WWP1: variants seen among roughly 807,000 people sequenced by gnomAD.
The protein encoded by WWP1 is WW domain containing E3 ubiquitin protein ligase 1, also known as NEDD4-like E3 ubiquitin-protein ligase WWP1.
Under a neutral mutation model 130.6 loss-of-function variants are expected in WWP1, and 49 were observed. The observed-to-expected ratio is 0.38, with a 90% CI of 0.30 to 0.48. The LOEUF (loss-of-function observed/expected upper bound fraction) is 0.48, where lower values mean the gene tolerates loss of function less well. WWP1 is among the 20% of genes least tolerant of loss of function. The pLI is 0.99. For synonymous variants in WWP1, 332 were observed against 367.8 expected (o/e 0.90, Z 1.11); for missense variants, 809 against 1,100.6 (o/e 0.74, Z 3.75).
At chr8:86,371,662 A>G (rs892174253) in intron 2 of WWP1, among the ~76,000 whole-genome samples, 3 of 152,124 alleles carry the variant, frequency 2.0e-5, no homozygotes, top group South Asian at 2.1e-4. Context: ...CCTTTTGCCT[A>G]TTTGCCTAAT....
chr8:86,396,515 C>T lies in WWP1; in HGVS notation c.335-1827C>T, dbSNP rs1375661018. On this transcript the variant is annotated intron_variant, in intron 5 of 24. Coordinates refer to ENST00000517970, the MANE Select transcript of WWP1 (RefSeq NM_007013.4). ...AGTAGAAATGAGGTCTATGGTGCTA[C>T]AAATGGTTGGGGTATTCTATAAGGT... 4.7e-5 allele frequency among the ~76,000 whole-genome samples: 7 copies of T among 148,786 alleles called. No individual in the cohort carries two copies. In the South Asian group the frequency reaches 1.5e-3, roughly 31 times the overall value.
chr8:86,351,833 A>G (rs957706876), intron 1 of WWP1, among the ~76,000 whole-genome samples: 8 of 152,150 alleles, frequency 5.3e-5, no homozygotes, highest in African/African-American at 1.7e-4. Context: ...TGGGATGCTT[A>G]TTAAACATGT....
At chr8:86,450,596 T>G (rs1214977808) in intron 20 of WWP1, among the ~76,000 whole-genome samples, 1 of 152,240 alleles carries the variant, frequency 6.6e-6, no homozygotes, top group Non-Finnish European at 1.5e-5. Flanking sequence ...TAAGCACTGT[T>G]TCAAACATTT....
intron 2 of WWP1, among the ~76,000 whole-genome samples, chr8:86,371,856 T>A (rs1824313297): frequency 6.6e-6 from 1 of 151,980 alleles, no homozygotes; most frequent in Non-Finnish European, 1.5e-5. Flanking sequence ...TTTTTTCTTT[T>A]TTTGAATCAG....
At chr8:86,453,003 T>C (rs1396194717) in intron 21 of WWP1, among the ~76,000 whole-genome samples, 1 of 152,172 alleles carries the variant, frequency 6.6e-6, no homozygotes, top group Admixed American at 6.5e-5. Context: ...TTTTAAGTCA[T>C]GAGTTCTTAG....
intron 8 of WWP1, among the ~76,000 whole-genome samples, chr8:86,406,280 A>G (rs1808275812): frequency 6.6e-6 from 1 of 152,198 alleles, no homozygotes; most frequent in Non-Finnish European, 1.5e-5. Flanking sequence ...AACATTCATA[A>G]TAGTCCTTGG....
chr8:86,373,509 G>A (rs1399432995), intron 2 of WWP1, among the ~76,000 whole-genome samples: 2 of 151,982 alleles, frequency 1.3e-5, no homozygotes, highest in African/African-American at 4.8e-5. Flanking sequence ...ATTTTATTTT[G>A]TCTTGTCTGG....
intron 9 of WWP1, among the ~76,000 whole-genome samples, chr8:86,424,854 G>GGAGGT (rs1413028973): frequency 8.1e-6 from 1 of 123,314 alleles, no homozygotes; most frequent in Non-Finnish European, 1.7e-5. Context: ...GGAGGGGAGG[G>GGAGGT]GGAGGGGGAG....
At chr8:86,454,721 T>A (rs1811348341) in intron 21 of WWP1, among the ~76,000 whole-genome samples, 1 of 151,864 alleles carries the variant, frequency 6.6e-6, no homozygotes, top group Non-Finnish European at 1.5e-5. Context: ...AAACGGGAGA[T>A]CAAGAAGCAT....
At chr8:86,396,851 C>T (rs1157698599) in intron 5 of WWP1, among the ~76,000 whole-genome samples, 1 of 152,004 alleles carries the variant, frequency 6.6e-6, no homozygotes, top group Non-Finnish European at 1.5e-5. Flanking sequence ...GCGCCTGCCT[C>T]ACCTCCCAAA....
chr8:86,382,423 G>T (rs978872550), intron 5 of WWP1, among the ~76,000 whole-genome samples: 1 of 151,816 alleles, frequency 6.6e-6, no homozygotes, highest in African/African-American at 2.4e-5. Context: ...TTCTAGCTGG[G>T]GGTGGTGGCT....
At chr8:86,345,561 C>T (rs1164943015) in intron 1 of WWP1, among the ~76,000 whole-genome samples, 1 of 152,078 alleles carries the variant, frequency 6.6e-6, no homozygotes, top group African/African-American at 2.4e-5. Context: ...AGGCGCTTGC[C>T]ACCACACCCG....
intron 18 of WWP1, among the ~76,000 whole-genome samples, chr8:86,445,333 C>G (rs1197455950): frequency 6.6e-6 from 1 of 152,050 alleles, no homozygotes; most frequent in African/African-American, 2.4e-5. Context: ...TCAACCCTTG[C>G]CTTCCTCCCT....
intron 5 of WWP1, among the ~76,000 whole-genome samples, chr8:86,383,110 T>C (rs1825074005): frequency 6.6e-6 from 1 of 152,168 alleles, no homozygotes; most frequent in African/African-American, 2.4e-5. Flanking sequence ...CATAATAATT[T>C]TTATATATTT....
intron 8 of WWP1, among the ~76,000 whole-genome samples, chr8:86,402,411 A>G (rs1808043307): frequency 6.6e-6 from 1 of 150,390 alleles, no homozygotes; most frequent in Non-Finnish European, 1.5e-5. Flanking sequence ...TCAGCCTCCC[A>G]AGTAGCTGGG....
chr8:86,467,154 A>AT lies in WWP1; in HGVS notation c.*262dup, dbSNP rs1812220355. On this transcript the variant is annotated 3_prime_UTR_variant, in exon 25 of 25. Transcript: ENST00000517970. ...GAGAGACTTTATTAAAAATACATATATATCTATATAAACATATATGATAGT... is the reference window on the plus strand; with the variant it reads ...GAGAGACTTTATTAAAAATACATATATTATCTATATAAACATATATGATAGT... 1 of 302,974 alleles carries AT rather than the reference A, an allele frequency of 3.3e-6. No homozygotes were observed. The highest frequency in any genetic ancestry group is 6.1e-6 in the Non-Finnish European group (1 of 165,188). 18.8% of individuals were successfully genotyped at this position (302,974 alleles called of 1,614,324 possible). A position where few individuals can be genotyped will look rare whatever the true frequency, so the allele number is the denominator to read the frequency against.
chr8:86,440,888 A>AT (rs1447431237), intron 17 of WWP1, among the ~76,000 whole-genome samples: 2 of 151,504 alleles, frequency 1.3e-5, no homozygotes, highest in African/African-American at 4.9e-5. Context: ...TTCTAATGTG[A>AT]TTTTTCTTCA....
intron 1 of WWP1, among the ~76,000 whole-genome samples, chr8:86,361,016 GGT>G (rs752846318): frequency 1.3e-5 from 2 of 152,126 alleles, no homozygotes; most frequent in Non-Finnish European, 2.9e-5. Flanking sequence ...AGAAGGAAGA[GGT>G]GGGGCAACAG....
Position 86,411,467 on chromosome 8 carries a change from A to G in WWP1, c.725-71A>G. 3.0e-6 allele frequency: 4 copies of G among 1,347,168 alleles called. No individual in the cohort carries two copies. In the South Asian group the frequency reaches 5.3e-5, roughly 18 times the overall value. The allele number at this position is 1,347,168 out of a possible 1,614,324, so 83.5% of individuals were successfully genotyped here. On this transcript the variant is annotated intron_variant, in intron 8 of 24. Coordinates refer to ENST00000517970, the MANE Select transcript of WWP1 (RefSeq NM_007013.4). ...TCTGGATTAGGCTCTGAATAAGTGT[A>G]GTCAATTGATTAGGTAATTGATTGC...
Sources: allele counts gnomAD v4.1 joint callset (sites outside exome capture counted in the v4.1 genomes callset), GRCh38; gene constraint gnomAD v4.1.1; transcripts MANE v1.5; gene names NCBI Gene and HGNC (gene_info 2026-07-23, HGNC 2026-07-21).